The following OR4M1 variants were observed in gnomAD, a reference collection of about 807,000 sequenced individuals.
OR4M1 encodes olfactory receptor family 4 subfamily M member 1, also known as olfactory receptor 4M1.
A neutral mutation model predicts 9.8 loss-of-function variants in OR4M1; 7 were observed. The observed-to-expected ratio is 0.71, with a 90% CI of 0.41 to 1.34. The LOEUF (loss-of-function observed/expected upper bound fraction) is 1.34. Ranked by LOEUF, OR4M1 falls within the 40% of genes most tolerant of loss-of-function variation. OR4M1 has a pLI of 0.01. For synonymous variants in OR4M1, 121 were observed against 139.8 expected, an observed-to-expected ratio of 0.87 and a Z score of 0.95; for missense variants, 331 against 380.4, an observed-to-expected ratio of 0.87 and a Z score of 1.08.
chr14:19,781,934 AT>A lies in OR4M1; in HGVS notation c.*671del, dbSNP rs1278893288. The A allele has an allele frequency of 3.9e-5, 6 of 152,478 alleles. No homozygotes were observed. Among genetic ancestry groups the A allele is most frequent in the Non-Finnish European group, 5.9e-5 (4 of 68,222 alleles). 9.4% of individuals were successfully genotyped at this position (152,478 alleles called of 1,614,324 possible). On this transcript the variant is annotated 3_prime_UTR_variant, in exon 2 of 2. Coordinates refer to ENST00000641200, the MANE Select transcript of OR4M1 (RefSeq NM_001005500.2). ...AAGCAGAGTATAATTTGGCTGATAC[AT>A]GAGATTCATGTCATTCCAGATGAAG...
At chr14:19,778,483 T>G (rs1202016375) in intron 1 of OR4M1, among the ~76,000 whole-genome samples, 1 of 152,226 alleles carries the variant, frequency 6.6e-6, no homozygotes, top group African/African-American at 2.4e-5. Flanking sequence ...ATTATTTACT[T>G]AGGAAAAAAT....
At chr14:19,775,533 A>AAT (rs1177259662) in intron 1 of OR4M1, among the ~76,000 whole-genome samples, 1 of 148,090 alleles carries the variant, frequency 6.8e-6, no homozygotes, top group Admixed American at 6.8e-5. Flanking sequence ...ATAAGCAGCA[A>AAT]ATATATATAT....
At chr14:19,778,413 G>A (rs1460548543) in intron 1 of OR4M1, among the ~76,000 whole-genome samples, 6 of 152,178 alleles carry the variant, frequency 3.9e-5, no homozygotes, top group African/African-American at 1.4e-4. Flanking sequence ...AAAAGCATAT[G>A]ATCTTGTAAT....
chr14:19,779,654 A>G (rs1878407175), intron 1 of OR4M1, among the ~76,000 whole-genome samples: 2 of 152,242 alleles, frequency 1.3e-5, no homozygotes, highest in Admixed American at 1.3e-4. Flanking sequence ...TCAGGTATTG[A>G]TGAATCTGGT....
At chr14:19,775,659 A>G (rs904176705) in intron 1 of OR4M1, among the ~76,000 whole-genome samples, 2 of 147,218 alleles carry the variant, frequency 1.4e-5, no homozygotes, top group South Asian at 2.1e-4. Flanking sequence ...ACTTCAATAT[A>G]TTCAAGTAAA....
chr14:19,776,270 A>C (rs1878306918), intron 1 of OR4M1, among the ~76,000 whole-genome samples: 1 of 152,222 alleles, frequency 6.6e-6, no homozygotes, highest in Non-Finnish European at 1.5e-5. Flanking sequence ...ACTCTAGTTA[A>C]AAATCCCTCC....
At chr14:19,778,636 A>G (rs1370681699) in intron 1 of OR4M1, among the ~76,000 whole-genome samples, 1 of 152,228 alleles carries the variant, frequency 6.6e-6, no homozygotes, top group Non-Finnish European at 1.5e-5. Flanking sequence ...GTGAATGTAA[A>G]TGAGTTAGTA....
chr14:19,777,007 CATATATATATATATAT>C (rs71431978), intron 1 of OR4M1, among the ~76,000 whole-genome samples: 636 of 45,944 alleles, frequency 0.014, 9 homozygotes, highest in East Asian at 0.11. Flanking sequence ...TTGTTTAAGC[CATATATATATATATAT>C]ATATATATAT....
intron 1 of OR4M1, among the ~76,000 whole-genome samples, 198 bp downstream of exon 1, chr14:19,773,791 T>G (rs180676987): frequency 1.3e-5 from 2 of 152,328 alleles, no homozygotes; most frequent in East Asian, 3.9e-4. Context: ...GTGGACAAAT[T>G]GTTTCTTCTC....
intron 1 of OR4M1, among the ~76,000 whole-genome samples, chr14:19,776,798 G>T (rs1391119834): frequency 6.6e-6 from 1 of 151,974 alleles, no homozygotes; most frequent in African/African-American, 2.4e-5. Flanking sequence ...TAAGGTCGTG[G>T]TATGTGCTGG....
intron 1 of OR4M1, among the ~76,000 whole-genome samples, chr14:19,779,845 T>C (rs952772507): frequency 5.3e-5 from 8 of 152,248 alleles, no homozygotes; most frequent in African/African-American, 1.9e-4. Context: ...GCTAGATCTG[T>C]ATGTGTGCTA....
At position 19,781,374 on chromosome 14, in the gene OR4M1, A is replaced by C. The variant is rs1459106595; in HGVS notation, c.*110A>C. ...TCCTCCGTTCATTTGTGTTCTTAAA[A>C]TTTTACTATAATTTTTCTCTATTAA... On this transcript the variant is annotated 3_prime_UTR_variant, in exon 2 of 2. Transcript: ENST00000641200. The C allele has an allele frequency of 1.9e-6, 2 of 1,037,106 alleles. No individual in the cohort carries two copies. The highest frequency in any genetic ancestry group is 2.7e-6 in the Non-Finnish European group (2 of 731,778). The allele number at this position is 1,037,106 out of a possible 1,614,324, so 64.2% of individuals were successfully genotyped here.
Position 19,780,511 on chromosome 14 carries a change from G to A in OR4M1, c.189G>A (p.Leu63=). 1 of 1,614,178 alleles carries A rather than the reference G, an allele frequency of 6.2e-7. No homozygotes were observed. Residue 63 remains leucine (L), a synonymous_variant, in exon 2 of 2, where the codon TTG becomes TTA. Coordinates refer to ENST00000641200, the MANE Select transcript of OR4M1 (RefSeq NM_001005500.2). ...TGACTTCTCCTATGTATTTCCTGTTGGCTAATCTGGCCCTCCTTGATATTT... is the reference window on the plus strand; with the variant it reads ...TGACTTCTCCTATGTATTTCCTGTTAGCTAATCTGGCCCTCCTTGATATTT... The part of the protein sequence containing the change: ...PHLTSPMYFL[L]ANLALLDIWY...
At chr14:19,775,246 T>C (rs1878274210) in intron 1 of OR4M1, among the ~76,000 whole-genome samples, 1 of 152,240 alleles carries the variant, frequency 6.6e-6, no homozygotes, top group South Asian at 2.1e-4. Flanking sequence ...ATTGTGCATG[T>C]GCACGGTTGT....
At chr14:19,779,749 G>A (rs781416679) in intron 1 of OR4M1, among the ~76,000 whole-genome samples, 23 of 152,228 alleles carry the variant, frequency 1.5e-4, no homozygotes, top group Non-Finnish European at 2.9e-4. Context: ...AAGCTATACA[G>A]GTTTTGGTTA....
At position 19,782,709 on chromosome 14, in the gene OR4M1, C is replaced by T. The variant is rs1276941753; in HGVS notation, c.*1445C>T. ...TGACCTTCTTCGATCTTCAATGCTACGTTACTTCTCTTCTAGGAACCCAAA... is the reference window on the plus strand; with the variant it reads ...TGACCTTCTTCGATCTTCAATGCTATGTTACTTCTCTTCTAGGAACCCAAA... On this transcript the variant is annotated 3_prime_UTR_variant, in exon 2 of 2. Transcript: ENST00000641200. The T allele has an allele frequency of 2.6e-5, 4 of 152,210 alleles. No homozygotes were observed. The highest frequency in any genetic ancestry group is 5.9e-5 in the Non-Finnish European group (4 of 68,052). 9.4% of individuals were successfully genotyped at this position (152,210 alleles called of 1,614,324 possible).
intron 1 of OR4M1, among the ~76,000 whole-genome samples, chr14:19,774,003 A>G (rs1878240617): frequency 6.6e-6 from 1 of 152,256 alleles, no homozygotes; most frequent in Admixed American, 6.5e-5. Flanking sequence ...CCTGAAAGAA[A>G]GTCAGGAAAA....
chr14:19,782,343 G>A lies in OR4M1; in HGVS notation c.*1079G>A, dbSNP rs1878525977. Reference sequence around the variant, plus strand: ...GTAGATTAGAACATTTGATTTTATAGGTTATGTTTTTTACTTAAATTTATT... The same window carrying A: ...GTAGATTAGAACATTTGATTTTATAAGTTATGTTTTTTACTTAAATTTATT... On this transcript the variant is annotated 3_prime_UTR_variant, in exon 2 of 2. Transcript: ENST00000641200. 1 of 152,150 alleles carries A rather than the reference G, an allele frequency of 6.6e-6. No individual in the cohort carries two copies. Among genetic ancestry groups the A allele is most frequent in the Admixed American group, 6.6e-5 (1 of 15,266 alleles). 9.4% of individuals were successfully genotyped at this position (152,150 alleles called of 1,614,324 possible).
chr14:19,777,007 C>CATATATATATATATATATATAT (rs71431978), intron 1 of OR4M1, among the ~76,000 whole-genome samples: 1 of 45,926 alleles, frequency 2.2e-5, no homozygotes, highest in African/African-American at 9.4e-5. Context: ...TTGTTTAAGC[C>CATATATATATATATATATATAT]ATATATATAT....
Sources: allele counts gnomAD v4.1 joint callset (sites outside exome capture counted in the v4.1 genomes callset), GRCh38; gene constraint gnomAD v4.1.1; transcripts MANE v1.5; gene names NCBI Gene and HGNC (gene_info 2026-07-23, HGNC 2026-07-21).